Variants in FSD1L observed in about 807,000 individuals in gnomAD.
The protein encoded by FSD1L is FSD1-like protein.
A neutral mutation model predicts 71.6 loss-of-function variants in FSD1L; 45 were observed. The observed-to-expected ratio is 0.63, with a 90% CI of 0.49 to 0.81. The LOEUF is 0.81. Among genes scored for constraint, FSD1L ranks in the 30% least tolerant of loss-of-function variants. The probability of loss-of-function intolerance (pLI) is 0.00; values close to 1 mark genes in which losing one functional copy is unlikely to be tolerated. For synonymous variants in FSD1L, 197 were observed against 207.2 expected, an observed-to-expected ratio of 0.95 and a Z score of 0.42; for missense variants, 561 against 618.1, an observed-to-expected ratio of 0.91 and a Z score of 0.98.
In FSD1L at chr9:105,472,011, CAA is replaced by C. The variant is rs1831509964; in HGVS notation, c.441+10_441+11del. 7.0e-7 allele frequency: 1 copy of C among 1,421,774 alleles called. No individual in the cohort carries two copies. The highest frequency in any genetic ancestry group is 1.5e-5 in the African/African-American group (1 of 65,604). The allele number at this position is 1,421,774 out of a possible 1,614,324, so 88.1% of individuals were successfully genotyped here. On this transcript the variant is annotated splice_region_variant and intron_variant, in intron 5 of 13. Coordinates refer to ENST00000481272, the MANE Select transcript of FSD1L (RefSeq NM_001145313.3). ...AACCTGAAGAATTTTCAAAGGTACA[CAA>C]AAACTGCATTAATACACTTAACAAG...
At chr9:105,494,752 T>G (rs1833231361) in intron 7 of FSD1L, among the ~76,000 whole-genome samples, 1 of 152,184 alleles carries the variant, frequency 6.6e-6, no homozygotes, top group Admixed American at 6.5e-5. Context: ...TTTTGAAGTT[T>G]GCTAGAGGTG....
At chr9:105,456,671 T>G (rs1830376231) in intron 1 of FSD1L, among the ~76,000 whole-genome samples, 1 of 152,160 alleles carries the variant, frequency 6.6e-6, no homozygotes, top group African/African-American at 2.4e-5. Context: ...CATCATTGTA[T>G]TTTTTTGTTG....
chr9:105,470,064 G>A (rs1588950685), intron 4 of FSD1L, among the ~76,000 whole-genome samples: 1 of 152,178 alleles, frequency 6.6e-6, no homozygotes, highest in East Asian at 1.9e-4. Context: ...GAGATCATTC[G>A]ATCATATATG....
At chr9:105,545,940 G>T (rs890717360) in intron 13 of FSD1L, among the ~76,000 whole-genome samples, 2 of 152,218 alleles carry the variant, frequency 1.3e-5, no homozygotes, top group African/African-American at 4.8e-5. Flanking sequence ...ACTGAGGGGT[G>T]TTAGATTTTT....
At chr9:105,509,630 CA>C (rs75806356) in intron 9 of FSD1L, among the ~76,000 whole-genome samples, 16,481 of 151,100 alleles carry the variant, frequency 0.11, 1,163 homozygotes, top group Admixed American at 0.21. Flanking sequence ...TGGAGGATGA[CA>C]AAAAAAATCA....
intron 7 of FSD1L, among the ~76,000 whole-genome samples, chr9:105,491,743 T>C (rs1235512822): frequency 6.6e-6 from 1 of 152,168 alleles, no homozygotes; most frequent in African/African-American, 2.4e-5. Flanking sequence ...CTTTTCTGCA[T>C]CTATTGAGAT....
At chr9:105,448,288 G>A in intron 1 of FSD1L, 53 bp downstream of exon 1, 1 of 1,483,804 alleles carries the variant, frequency 6.7e-7, no homozygotes, top group African/African-American at 1.5e-5. Flanking sequence ...GCCGGCACAG[G>A]GTGGGCGGGG....
chr9:105,532,836 A>C (rs1835980489), intron 10 of FSD1L, among the ~76,000 whole-genome samples: 1 of 152,226 alleles, frequency 6.6e-6, no homozygotes. Context: ...TTAATATTAT[A>C]CACTAAAAAG....
intron 10 of FSD1L, chr9:105,521,182 TTTC>T (rs1564136400): frequency 6.2e-7 from 1 of 1,613,996 alleles, no homozygotes; most frequent in African/African-American, 1.3e-5. Flanking sequence ...CGTTGGCTGG[TTTC>T]TTTCTGGCTG....
intron 13 of FSD1L, among the ~76,000 whole-genome samples, chr9:105,546,087 G>A (rs1395383134): frequency 2.6e-5 from 4 of 152,004 alleles, no homozygotes; most frequent in African/African-American, 9.7e-5. Flanking sequence ...TTAAGCCAAT[G>A]AAGTTTCTCA....
At chr9:105,459,706 T>G (rs1161791899) in intron 1 of FSD1L, among the ~76,000 whole-genome samples, 4 of 152,254 alleles carry the variant, frequency 2.6e-5, no homozygotes, top group Non-Finnish European at 5.9e-5. Context: ...TGGTTGCTTT[T>G]TCTGCAGCCA....
At chr9:105,520,547 G>T in intron 10 of FSD1L, 1 of 1,242,930 alleles carries the variant, frequency 8.0e-7, no homozygotes, top group Non-Finnish European at 1.2e-6. Flanking sequence ...CTTCCAGAAA[G>T]AATTCATCAG....
At chr9:105,481,141 C>CTGTGTGTGTGTG (rs376069658) in intron 6 of FSD1L, among the ~76,000 whole-genome samples, 3,425 of 81,526 alleles carry the variant, frequency 0.042, 254 homozygotes, top group African/African-American at 0.1. Flanking sequence ...CAGGCAAACT[C>CTGTGTGTGTGTG]TGTGTGTGTG....
At chr9:105,475,039 C>T (rs1831705636) in intron 5 of FSD1L, among the ~76,000 whole-genome samples, 1 of 152,212 alleles carries the variant, frequency 6.6e-6, no homozygotes, top group South Asian at 2.1e-4. Context: ...AATAAATTGG[C>T]AACATCCCAC....
intron 10 of FSD1L, among the ~76,000 whole-genome samples, chr9:105,533,238 A>C (rs1836011669): frequency 6.6e-6 from 1 of 151,922 alleles, no homozygotes; most frequent in Non-Finnish European, 1.5e-5. Flanking sequence ...CATCTTTGGG[A>C]CTGAATCTGT....
chr9:105,509,476 A>G (rs969170436), intron 9 of FSD1L, among the ~76,000 whole-genome samples: 2 of 152,170 alleles, frequency 1.3e-5, no homozygotes, highest in South Asian at 2.1e-4. Flanking sequence ...AGACTTTCCT[A>G]GTTGTGAGAT....
intron 1 of FSD1L, among the ~76,000 whole-genome samples, chr9:105,459,102 C>T (rs1830532285): frequency 6.6e-6 from 1 of 152,180 alleles, no homozygotes; most frequent in Non-Finnish European, 1.5e-5. Context: ...CCCTTGTATA[C>T]CTCCTAGATT....
intron 10 of FSD1L, among the ~76,000 whole-genome samples, chr9:105,519,126 G>A (rs966816127): frequency 6.6e-6 from 1 of 152,120 alleles, no homozygotes; most frequent in African/African-American, 2.4e-5. Flanking sequence ...TCCCTGAATA[G>A]ACCAATAACA....
intron 8 of FSD1L, among the ~76,000 whole-genome samples, chr9:105,506,895 C>T (rs1232213176): frequency 6.6e-6 from 1 of 151,950 alleles, no homozygotes; most frequent in Non-Finnish European, 1.5e-5. Flanking sequence ...CCTCAGCTTC[C>T]TGACAAGCTG....
Sources: gnomAD v4.1 joint callset for allele counts (sites outside exome capture counted in the v4.1 genomes callset) on GRCh38, gnomAD v4.1.1 for gene constraint, MANE v1.5 for transcripts, NCBI Gene and HGNC (gene_info 2026-07-23, HGNC 2026-07-21) for gene names.